The following SRL variants were observed in gnomAD, a reference collection of about 807,000 sequenced individuals.
The protein encoded by SRL is sarcalumenin.
In SRL, 23 loss-of-function variants were observed where a neutral mutation model predicts 39.5. That is an observed-to-expected ratio of 0.58 (90% CI 0.42 to 0.82). The LOEUF (loss-of-function observed/expected upper bound fraction) is 0.82, where lower values mean the gene tolerates loss of function less well. SRL is among the 40% of genes least tolerant of loss of function. SRL has a pLI of 0.00. For missense variants in SRL, 592 were observed against 607.8 expected, an observed-to-expected ratio of 0.97 and a Z score of 0.27; for synonymous variants, 272 against 237.4, an observed-to-expected ratio of 1.15 and a Z score of -1.34.
intron 1 of SRL, among the ~76,000 whole-genome samples, chr16:4,226,716 G>A (rs796732123): frequency 2.6e-5 from 4 of 151,946 alleles, no homozygotes; most frequent in African/African-American, 9.7e-5. Context: ...ATGAATGGAA[G>A]GAAATATGGA....
intron 1 of SRL, chr16:4,206,729 T>C (rs1458616040): frequency 6.7e-6 from 3 of 448,230 alleles, no homozygotes; most frequent in Non-Finnish European, 1.3e-5. Context: ...ATTCCTACCC[T>C]GGGCAACAAT....
intron 1 of SRL, among the ~76,000 whole-genome samples, chr16:4,224,552 T>C (rs574111585): frequency 6.6e-6 from 1 of 151,874 alleles, no homozygotes; most frequent in African/African-American, 2.4e-5. Flanking sequence ...TAAAAATTTT[T>C]AAAAATTAAA....
At chr16:4,229,892 G>A (rs1762311617) in intron 1 of SRL, among the ~76,000 whole-genome samples, 1 of 152,134 alleles carries the variant, frequency 6.6e-6, no homozygotes, top group Non-Finnish European at 1.5e-5. Context: ...AAGACTTTGA[G>A]GGGACTGCGT....
intron 1 of SRL, among the ~76,000 whole-genome samples, chr16:4,227,295 T>G (rs111208288): frequency 2.7e-5 from 4 of 148,130 alleles, no homozygotes; most frequent in Non-Finnish European, 6.0e-5. Context: ...GATAAATGGA[T>G]GGATGACGGA....
chr16:4,217,611 T>C (rs1356823409), intron 1 of SRL, among the ~76,000 whole-genome samples: 1 of 152,042 alleles, frequency 6.6e-6, no homozygotes, highest in Non-Finnish European at 1.5e-5. Context: ...CGAAGTAACC[T>C]TGGGTTGCTC....
At chr16:4,226,413 G>A (rs1167215789) in intron 1 of SRL, among the ~76,000 whole-genome samples, 2 of 151,770 alleles carry the variant, frequency 1.3e-5, no homozygotes, top group Non-Finnish European at 2.9e-5. Context: ...TGGATGGGAT[G>A]GATGGATGAA....
chr16:4,237,265 CCT>C (rs2052723344), intron 1 of SRL, among the ~76,000 whole-genome samples: 2 of 152,090 alleles, frequency 1.3e-5, no homozygotes, highest in East Asian at 3.8e-4. Context: ...AAAATCTGTT[CCT>C]CTCTCTTATG....
intron 1 of SRL, among the ~76,000 whole-genome samples, chr16:4,219,202 G>A (rs533163252): frequency 6.6e-6 from 1 of 152,354 alleles, no homozygotes; most frequent in South Asian, 2.1e-4. Flanking sequence ...CAGTGCACTG[G>A]GACAAAGCTA....
At chr16:4,217,879 G>A (rs910851409) in intron 1 of SRL, among the ~76,000 whole-genome samples, 28 of 152,140 alleles carry the variant, frequency 1.8e-4, no homozygotes, top group African/African-American at 6.3e-4. Context: ...TTAGCCCTCC[G>A]GGTCTGGGGG....
At chr16:4,220,745 C>G (rs1399215510) in intron 1 of SRL, among the ~76,000 whole-genome samples, 6 of 152,242 alleles carry the variant, frequency 3.9e-5, no homozygotes, top group South Asian at 2.1e-4. Context: ...TGAAATAACT[C>G]TGGGTGGCTG....
At chr16:4,231,241 G>A (rs1271826713) in intron 1 of SRL, among the ~76,000 whole-genome samples, 3 of 152,120 alleles carry the variant, frequency 2.0e-5, no homozygotes, top group Admixed American at 1.3e-4. Flanking sequence ...ACTTGAGCCC[G>A]GGAGGCAGAG....
chr16:4,197,727 G>T, intron 4 of SRL, 72 bp downstream of exon 4: 2 of 1,136,474 alleles, frequency 1.8e-6, no homozygotes, highest in Non-Finnish European at 2.7e-6. Context: ...TGTCCGGCCA[G>T]TGATTTAAAT....
intron 2 of SRL, 72 bp downstream of exon 2, chr16:4,204,461 C>T: frequency 7.1e-7 from 1 of 1,406,652 alleles, no homozygotes; most frequent in South Asian, 1.2e-5. Context: ...CTCTCAGGAG[C>T]CTCCAGGAGT....
intron 3 of SRL, among the ~76,000 whole-genome samples, chr16:4,201,366 T>G (rs927597471): frequency 1.3e-5 from 2 of 151,802 alleles, no homozygotes; most frequent in African/African-American, 4.8e-5. Flanking sequence ...AACCTCTGCC[T>G]CCCCAGTTCA....
chr16:4,242,080 G>T lies in SRL; in HGVS notation c.-13C>A. On this transcript the variant is annotated 5_prime_UTR_variant, in exon 1 of 6. Transcript: ENST00000399609. ...CCAGCGCCCTCATGGTGACTGCCAA[G>T]AGAGCCCAGCTGCTCCTCGCCTCTA... 1 of 1,607,730 alleles carries T rather than the reference G, an allele frequency of 6.2e-7. No individual in the cohort carries two copies. The highest frequency in any genetic ancestry group is 8.5e-7 in the Non-Finnish European group (1 of 1,178,286).
chr16:4,214,642 C>G (rs542640208), intron 1 of SRL, among the ~76,000 whole-genome samples: 2 of 152,280 alleles, frequency 1.3e-5, no homozygotes, highest in African/African-American at 4.8e-5. Flanking sequence ...CTTCCTTGTT[C>G]TAGATCTTGT....
chr16:4,189,929 G>A lies in SRL; in HGVS notation c.*2224C>T, dbSNP rs968148029. On this transcript the variant is annotated 3_prime_UTR_variant, in exon 6 of 6. Transcript: ENST00000399609. Reference sequence around the variant, plus strand: ...AAGTGGGAGGGCCCATCCCCCAAGAGGGCAGACAGTACAGAGATGAGGCGA... The same window carrying A: ...AAGTGGGAGGGCCCATCCCCCAAGAAGGCAGACAGTACAGAGATGAGGCGA... 5.0e-5 allele frequency: 10 copies of A among 200,692 alleles called. No individual in the cohort carries two copies. Among genetic ancestry groups the A allele is most frequent in the African/African-American group, 2.3e-4 (10 of 43,360 alleles). The allele number at this position is 200,692 out of a possible 1,614,324, so 12.4% of individuals were successfully genotyped here.
At chr16:4,228,142 C>A (rs1348889403) in intron 1 of SRL, among the ~76,000 whole-genome samples, 6 of 152,352 alleles carry the variant, frequency 3.9e-5, no homozygotes, top group Non-Finnish European at 4.4e-5. Flanking sequence ...GTGGCCACTT[C>A]TGAAAAGGCC....
At chr16:4,222,178 A>G (rs2052538348) in intron 1 of SRL, among the ~76,000 whole-genome samples, 1 of 152,132 alleles carries the variant, frequency 6.6e-6, no homozygotes, top group Non-Finnish European at 1.5e-5. Flanking sequence ...CTCACATTTC[A>G]GATCTCAGCT....
Sources: allele counts gnomAD v4.1 joint callset (sites outside exome capture counted in the v4.1 genomes callset), GRCh38; gene constraint gnomAD v4.1.1; transcripts MANE v1.5; gene names NCBI Gene and HGNC (gene_info 2026-07-23, HGNC 2026-07-21).